The following CELF1 variants were observed in gnomAD, a reference collection of about 807,000 sequenced individuals.
CELF1 encodes the protein 50 kDa nuclear polyadenylated RNA-binding protein.
CELF1 carries 10 observed loss-of-function variants against 61.8 expected under a neutral mutation model. The ratio of observed to expected loss-of-function variants is 0.16; its 90% CI spans 0.10 to 0.27. The LOEUF (loss-of-function observed/expected upper bound fraction) is 0.27. Among genes scored for constraint, CELF1 ranks in the 10% least tolerant of loss-of-function variants. The pLI is 1.00. For missense variants in CELF1, 380 were observed against 639.1 expected, an observed-to-expected ratio of 0.59 and a Z score of 4.37; for synonymous variants, 236 against 225.1, an observed-to-expected ratio of 1.05 and a Z score of -0.43.
Position 47,468,284 on chromosome 11 carries a change from T to C in CELF1, c.*3946A>G, listed in dbSNP as rs2077013672. 1 of 151,672 alleles carries C rather than the reference T, an allele frequency of 6.6e-6. No individual in the cohort carries two copies. The allele number at this position is 151,672 out of a possible 1,614,324, so 9.4% of individuals were successfully genotyped here. On this transcript the variant is annotated 3_prime_UTR_variant, in exon 15 of 15. Transcript: ENST00000687097. ...GCCTGCGGTCAAAAAGGAAAGGGGGTTCAGGTGCTCTCCGCAGTTGAGAAC... is the reference window on the plus strand; with the variant it reads ...GCCTGCGGTCAAAAAGGAAAGGGGGCTCAGGTGCTCTCCGCAGTTGAGAAC...
intron 1 of CELF1, among the ~76,000 whole-genome samples, chr11:47,551,999 G>A (rs2097149942): frequency 6.8e-6 from 1 of 147,168 alleles, no homozygotes; most frequent in Non-Finnish European, 1.5e-5. Context: ...AGCAACAAGA[G>A]CGAAACTCCG....
chr11:47,478,380 T>G (rs1397857190), intron 10 of CELF1, among the ~76,000 whole-genome samples: 1 of 152,198 alleles, frequency 6.6e-6, no homozygotes, highest in Non-Finnish European at 1.5e-5. Context: ...GCACTCCATT[T>G]AAGTTTTCTG....
At chr11:47,538,619 G>A (rs1296518611) in intron 1 of CELF1, among the ~76,000 whole-genome samples, 4 of 145,010 alleles carry the variant, frequency 2.8e-5, no homozygotes, top group Non-Finnish European at 4.5e-5. Flanking sequence ...CTCCAGCCTG[G>A]GCAAAAGAGC....
In CELF1 at chr11:47,467,826, T is replaced by C. The variant is rs886103000; in HGVS notation, c.*4404A>G. 5 of 152,042 alleles carry C rather than the reference T, an allele frequency of 3.3e-5. No individual in the cohort carries two copies. Among genetic ancestry groups the C allele is most frequent in the Non-Finnish European group, 7.4e-5 (5 of 68,020 alleles). The allele number at this position is 152,042 out of a possible 1,614,324, so 9.4% of individuals were successfully genotyped here. On this transcript the variant is annotated 3_prime_UTR_variant, in exon 15 of 15. Coordinates refer to ENST00000687097, the MANE Select transcript of CELF1 (RefSeq NM_001376376.1). The stretch of plus-strand genomic sequence containing the variant: ...GCACAGGCAAACGCTCTAAGGGCAA[T>C]AGAGGAGAAAGTTGCCACTTCAAAA...
chr11:47,539,970 G>C (rs2096733801), intron 1 of CELF1, among the ~76,000 whole-genome samples: 1 of 152,172 alleles, frequency 6.6e-6, no homozygotes, highest in South Asian at 2.1e-4. Flanking sequence ...TTAAAGACTT[G>C]AATCTCAGTT....
At chr11:47,519,747 CCGCTA>C (rs777719630) in intron 1 of CELF1, among the ~76,000 whole-genome samples, 1 of 151,948 alleles carries the variant, frequency 6.6e-6, no homozygotes, top group Non-Finnish European at 1.5e-5. Flanking sequence ...CCTGTAGTCC[CCGCTA>C]CTCGGGAGGC....
chr11:47,551,944 G>C (rs1400526023), intron 1 of CELF1, among the ~76,000 whole-genome samples: 1 of 151,550 alleles, frequency 6.6e-6, no homozygotes. Flanking sequence ...CTTGAACCTG[G>C]GGAGGTTGCA....
intron 1 of CELF1, among the ~76,000 whole-genome samples, chr11:47,539,295 T>C (rs1029736765): frequency 6.6e-6 from 1 of 152,190 alleles, no homozygotes; most frequent in African/African-American, 2.4e-5. Flanking sequence ...ATATATATAC[T>C]GAAGGAGTCA....
chr11:47,531,686 C>T lies in CELF1; in HGVS notation c.-154+21306G>A, dbSNP rs1476730526. Among the ~76,000 whole-genome samples, 6 of 152,346 alleles carry T rather than the reference C, an allele frequency of 3.9e-5. No homozygotes were observed. In the East Asian group the frequency reaches 5.8e-4, roughly 15 times the overall value. On this transcript the variant is annotated intron_variant, in intron 1 of 14. Transcript: ENST00000687097. ...ACAAAAGCATTCGCAAAATGCACCACAAAAACACAAAACAATTTGCCTACT... is the reference window on the plus strand; with the variant it reads ...ACAAAAGCATTCGCAAAATGCACCATAAAAACACAAAACAATTTGCCTACT...
chr11:47,486,675 T>TG, intron 6 of CELF1, 75 bp downstream of exon 6: 1 of 1,216,294 alleles, frequency 8.2e-7, no homozygotes. Flanking sequence ...CCCAAAGTGC[T>TG]GGGATTACAG....
chr11:47,545,714 A>AACTTT (rs2096916439), intron 1 of CELF1, among the ~76,000 whole-genome samples: 1 of 151,970 alleles, frequency 6.6e-6, no homozygotes, highest in Non-Finnish European at 1.5e-5. Flanking sequence ...TATTTTTTGT[A>AACTTT]GAGATGAGGT....
At chr11:47,475,308 C>T in intron 13 of CELF1, 28 bp downstream of exon 13, 8 of 1,611,036 alleles carry the variant, frequency 5.0e-6, no homozygotes, top group East Asian at 2.2e-5. Context: ...GCCCCCCATA[C>T]CTGACCCCGA....
intron 12 of CELF1, 27 bp downstream of exon 12, chr11:47,476,819 T>G: frequency 6.5e-7 from 1 of 1,545,484 alleles, no homozygotes; most frequent in Middle Eastern, 1.7e-4. Context: ...AAGAATAGTC[T>G]GATGACAGCC....
chr11:47,539,801 C>T (rs1198716031), intron 1 of CELF1, among the ~76,000 whole-genome samples: 1 of 152,202 alleles, frequency 6.6e-6, no homozygotes, highest in Non-Finnish European at 1.5e-5. Flanking sequence ...TCCAGAGCTG[C>T]ATTTCTCATC....
chr11:47,484,154 G>A (rs1045131591), intron 7 of CELF1, among the ~76,000 whole-genome samples: 1 of 152,142 alleles, frequency 6.6e-6, no homozygotes, highest in African/African-American at 2.4e-5. Context: ...GCAACACAGG[G>A]AGACCTTTTC....
rs186347859 is a variant in CELF1, at chr11:47,541,821, A to G, written c.-154+11171T>C. ...AAGAAAGAAAGAAAGAAAGAAAGAA[A>G]GAAAGAAAGAAAGAAAATGGAAACT... On this transcript the variant is annotated intron_variant, in intron 1 of 14. Coordinates refer to ENST00000687097, the MANE Select transcript of CELF1 (RefSeq NM_001376376.1). Among the ~76,000 whole-genome samples the G allele has an allele frequency of 4.7e-3, 696 of 146,974 alleles. 22 individuals are homozygous for G. Among genetic ancestry groups the G allele is most frequent in the African/African-American group, 0.017 (648 of 38,384 alleles).
chr11:47,534,021 CCTTTTTTTTTTTTT>C (rs2096563785), intron 1 of CELF1, among the ~76,000 whole-genome samples: 1 of 98,472 alleles, frequency 1.0e-5, no homozygotes, highest in African/African-American at 3.4e-5. Flanking sequence ...TTTTTTCTTT[CCTTTTTTTTTTTTT>C]TTTTTTTTTG....
At chr11:47,514,843 G>C (rs2095467405) in intron 1 of CELF1, 1 of 152,204 alleles carries the variant, frequency 6.6e-6, no homozygotes, top group Non-Finnish European at 1.5e-5. Flanking sequence ...GGCTGACAGA[G>C]CAAGACCTTG....
At chr11:47,505,491 A>C (rs1001567836) in intron 1 of CELF1, among the ~76,000 whole-genome samples, 1 of 150,542 alleles carries the variant, frequency 6.6e-6, no homozygotes, top group African/African-American at 2.4e-5. Flanking sequence ...AAATACAAAA[A>C]AATTAGCCGG....
Sources: allele counts gnomAD v4.1 joint callset (sites outside exome capture counted in the v4.1 genomes callset), GRCh38; gene constraint gnomAD v4.1.1; transcripts MANE v1.5; gene names NCBI Gene and HGNC (gene_info 2026-07-23, HGNC 2026-07-21).